Variants in TMEM127 observed in about 807,000 individuals in gnomAD.
TMEM127 encodes the protein transmembrane protein 127.
A neutral mutation model predicts 20.1 loss-of-function variants in TMEM127; 21 were observed. The ratio of observed to expected loss-of-function variants is 1.04; its 90% CI spans 0.74 to 1.50. TMEM127 has a LOEUF of 1.50. Ranked by LOEUF, TMEM127 falls within the 40% of genes most tolerant of loss-of-function variation. The probability of loss-of-function intolerance (pLI) is 0.00; values close to 1 mark genes in which losing one functional copy is unlikely to be tolerated. For synonymous variants in TMEM127, 150 were observed against 144.7 expected, an observed-to-expected ratio of 1.04 and a Z score of -0.26; for missense variants, 303 against 317.4, an observed-to-expected ratio of 0.95 and a Z score of 0.34.
Position 96,249,817 on chromosome 2 carries a change from T to G in TMEM127, c.*3991A>C, listed in dbSNP as rs996857635. On this transcript the variant is annotated 3_prime_UTR_variant, in exon 4 of 4. Transcript: ENST00000258439. ...CAGGCAAGATGCCAGCTGAAGATTC[T>G]CTAGTCATCTTGGGAAAGCCGCCCT... 5 of 233,176 alleles carry G rather than the reference T, an allele frequency of 2.1e-5. No individual in the cohort carries two copies. The highest frequency in any genetic ancestry group is 4.2e-5 in the Non-Finnish European group (5 of 118,064). The allele number at this position is 233,176 out of a possible 1,614,324, so 14.4% of individuals were successfully genotyped here. A position where few individuals can be genotyped will look rare whatever the true frequency, so the allele number is the denominator to read the frequency against.
chr2:96,249,075 CTGTGTGTGTGTGTGTGGTGTGTG>C lies in TMEM127; in HGVS notation c.*4710_*4732del, dbSNP rs994139160. On this transcript the variant is annotated 3_prime_UTR_variant, in exon 4 of 4. Transcript: ENST00000258439. ...TTCCCCAAAGCTTATGGTGAGGAAC[CTGTGTGTGTGTGTGTGGTGTGTG>C]TGTGTGTGTGTGTGTGTGTTTGAGA... 26 of 223,292 alleles carry C rather than the reference CTGTGTGTGTGTGTGTGGTGTGTG, an allele frequency of 1.2e-4. No individual in the cohort carries two copies. The highest frequency in any genetic ancestry group is 5.0e-4 in the African/African-American group (22 of 44,322). The allele number at this position is 223,292 out of a possible 1,614,324, so 13.8% of individuals were successfully genotyped here. A position where few individuals can be genotyped will look rare whatever the true frequency, so the allele number is the denominator to read the frequency against.
chr2:96,249,946 A>G lies in TMEM127; in HGVS notation c.*3862T>C. 1 of 232,644 alleles carries G rather than the reference A, an allele frequency of 4.3e-6. No individual in the cohort carries two copies. 14.4% of individuals were successfully genotyped at this position (232,644 alleles called of 1,614,324 possible). A position where few individuals can be genotyped will look rare whatever the true frequency, so the allele number is the denominator to read the frequency against. ...GGGCCCCTCTTCGCCTGTGCAGTTG[A>G]TGCCACCTTCCAGCTGCCACGTGAC... On this transcript the variant is annotated 3_prime_UTR_variant, in exon 4 of 4. Coordinates refer to ENST00000258439, the MANE Select transcript of TMEM127 (RefSeq NM_017849.4).
In TMEM127 at chr2:96,253,756, G is replaced by T; in HGVS notation, c.*52C>A. ...AAAGGAGCTCCTCTGGGTGCGAGAG[G>T]AGCTGCAGAGTTGAGGGAGGGGCTG... On this transcript the variant is annotated 3_prime_UTR_variant, in exon 4 of 4. Transcript: ENST00000258439. The surrounding 1 kb of genome is among the most constrained non-coding windows in gnomAD (Gnocchi z 4.3). 2 of 1,568,004 alleles carry T rather than the reference G, an allele frequency of 1.3e-6. No homozygotes were observed. Among genetic ancestry groups the T allele is most frequent in the Non-Finnish European group, 1.7e-6 (2 of 1,152,974 alleles).
At chr2:96,260,554 T>C (rs1359789683) in intron 2 of TMEM127, 2 of 152,126 alleles carry the variant, frequency 1.3e-5, no homozygotes, top group African/African-American at 2.4e-5. Flanking sequence ...TGCCCTCTAG[T>C]CATCAGGGAA....
intron 2 of TMEM127, among the ~76,000 whole-genome samples, chr2:96,263,644 G>A (rs1326700968): frequency 6.6e-6 from 1 of 152,160 alleles, no homozygotes; most frequent in Non-Finnish European, 1.5e-5. Flanking sequence ...AACTATAAAT[G>A]ACACGGCATC....
chr2:96,265,788 G>C, intron 1 of TMEM127, 81 bp downstream of exon 1: 1 of 200,136 alleles, frequency 5.0e-6, no homozygotes, highest in Non-Finnish European at 1.0e-5. Flanking sequence ...GGGGATCGGG[G>C]ACCCGTGATC....
chr2:96,249,845 C>T lies in TMEM127; in HGVS notation c.*3963G>A. Reference sequence around the variant, plus strand: ...AGTCATCTTGGGAAAGCCGCCCTGCCCCAGATGCACCACCTCTTCCTGTGT... The same window carrying T: ...AGTCATCTTGGGAAAGCCGCCCTGCTCCAGATGCACCACCTCTTCCTGTGT... On this transcript the variant is annotated 3_prime_UTR_variant, in exon 4 of 4. Coordinates refer to ENST00000258439, the MANE Select transcript of TMEM127 (RefSeq NM_017849.4). 1 of 233,322 alleles carries T rather than the reference C, an allele frequency of 4.3e-6. No homozygotes were observed. The highest frequency in any genetic ancestry group is 6.0e-5 in the East Asian group (1 of 16,568). 14.5% of individuals were successfully genotyped at this position (233,322 alleles called of 1,614,324 possible). A position where few individuals can be genotyped will look rare whatever the true frequency, so the allele number is the denominator to read the frequency against.
In TMEM127 at chr2:96,250,703, G is replaced by A. The variant is rs1005995212; in HGVS notation, c.*3105C>T. 7.3e-5 allele frequency: 17 copies of A among 232,964 alleles called. No individual in the cohort carries two copies. Among genetic ancestry groups the A allele is most frequent in the African/African-American group, 3.8e-4 (17 of 45,316 alleles). The allele number at this position is 232,964 out of a possible 1,614,324, so 14.4% of individuals were successfully genotyped here. Reference sequence around the variant, plus strand: ...CTGGGTGTAGGCTGTGTGATCAAATGTATGAAGGAAGAAGGAACGGAGAGA... The same window carrying A: ...CTGGGTGTAGGCTGTGTGATCAAATATATGAAGGAAGAAGGAACGGAGAGA... On this transcript the variant is annotated 3_prime_UTR_variant, in exon 4 of 4. Transcript: ENST00000258439.
intron 2 of TMEM127, among the ~76,000 whole-genome samples, chr2:96,255,601 A>G (rs931703076): frequency 6.6e-6 from 1 of 152,196 alleles, no homozygotes; most frequent in Non-Finnish European, 1.5e-5. Flanking sequence ...AGGTAGGGAG[A>G]GGGGAGAACA....
intron 2 of TMEM127, among the ~76,000 whole-genome samples, chr2:96,258,790 C>T (rs532862390): frequency 1.3e-5 from 2 of 152,254 alleles, no homozygotes; most frequent in South Asian, 2.1e-4. Flanking sequence ...TTGGGGTCCA[C>T]GTGGCATGTG....
Position 96,262,581 on chromosome 2 carries a change from C to T in TMEM127, c.244+2557G>A, listed in dbSNP as rs571183351. On this transcript the variant is annotated intron_variant, in intron 2 of 3. Transcript: ENST00000258439. ...CTCTTAGGAGATGGCCACAGGCAAG[C>T]AAGTAGAAACTATACACAGGTTAAG... is the stretch of plus-strand genomic sequence containing the variant. Among the ~76,000 whole-genome samples, 9 of 152,300 alleles carry T rather than the reference C, an allele frequency of 5.9e-5. No individual in the cohort carries two copies. In the South Asian group the frequency reaches 1.9e-3, roughly 32 times the overall value.
intron 2 of TMEM127, among the ~76,000 whole-genome samples, chr2:96,263,988 C>A (rs1345987181): frequency 2.0e-5 from 3 of 152,094 alleles, no homozygotes; most frequent in Non-Finnish European, 4.4e-5. Flanking sequence ...AATGAGCCAA[C>A]CCAGCAAAGA....
Position 96,250,722 on chromosome 2 carries a change from G to A in TMEM127, c.*3086C>T, listed in dbSNP as rs1177316218. Reference sequence around the variant, plus strand: ...TCAAATGTATGAAGGAAGAAGGAACGGAGAGAACGTGGGCAATCAAGGCCT... The same window carrying A: ...TCAAATGTATGAAGGAAGAAGGAACAGAGAGAACGTGGGCAATCAAGGCCT... On this transcript the variant is annotated 3_prime_UTR_variant, in exon 4 of 4. Transcript: ENST00000258439. 2.6e-5 allele frequency: 6 copies of A among 232,912 alleles called. No homozygotes were observed. Among genetic ancestry groups the A allele is most frequent in the Non-Finnish European group, 5.1e-5 (6 of 117,930 alleles). 14.4% of individuals were successfully genotyped at this position (232,912 alleles called of 1,614,324 possible). A position where few individuals can be genotyped will look rare whatever the true frequency, so the allele number is the denominator to read the frequency against.
Position 96,250,850 on chromosome 2 carries a change from A to C in TMEM127, c.*2958T>G, listed in dbSNP as rs1684072866. ...TTACCTATGGTTTCAAAGAAAGTGC[A>C]GTTTCTAGGGAGTGAAGGAACACGT... On this transcript the variant is annotated 3_prime_UTR_variant, in exon 4 of 4. Transcript: ENST00000258439. 1 of 231,748 alleles carries C rather than the reference A, an allele frequency of 4.3e-6. No homozygotes were observed. Among genetic ancestry groups the C allele is most frequent in the Non-Finnish European group, 8.5e-6 (1 of 117,150 alleles). The allele number at this position is 231,748 out of a possible 1,614,324, so 14.4% of individuals were successfully genotyped here. A position where few individuals can be genotyped will look rare whatever the true frequency, so the allele number is the denominator to read the frequency against.
intron 2 of TMEM127, among the ~76,000 whole-genome samples, chr2:96,256,515 G>A (rs1209080294): frequency 1.3e-5 from 2 of 148,262 alleles, no homozygotes; most frequent in Non-Finnish European, 3.0e-5. Flanking sequence ...AGGTTGCGGT[G>A]AGCCGAGATT....
rs184565989 is a variant in TMEM127, at chr2:96,253,514, C to T, written c.*294G>A. On this transcript the variant is annotated 3_prime_UTR_variant, in exon 4 of 4. Coordinates refer to ENST00000258439, the MANE Select transcript of TMEM127 (RefSeq NM_017849.4). The surrounding 1 kb of genome is among the most constrained non-coding windows in gnomAD (Gnocchi z 4.3). Reference sequence around the variant, plus strand: ...GAAAGTCTCGGTCCCAAAGATATCGCCCATGCTGGAGGAAACTTGGATGAC... The same window carrying T: ...GAAAGTCTCGGTCCCAAAGATATCGTCCATGCTGGAGGAAACTTGGATGAC... 3.0e-4 allele frequency: 138 copies of T among 462,376 alleles called. No individual in the cohort carries two copies. In the East Asian group the frequency reaches 4.8e-3, roughly 16 times the overall value. 28.6% of individuals were successfully genotyped at this position (462,376 alleles called of 1,614,324 possible). A position where few individuals can be genotyped will look rare whatever the true frequency, so the allele number is the denominator to read the frequency against.
At chr2:96,259,344 A>G (rs926688826) in intron 2 of TMEM127, among the ~76,000 whole-genome samples, 8 of 152,202 alleles carry the variant, frequency 5.3e-5, no homozygotes, top group Non-Finnish European at 2.9e-5. Context: ...GCTCCCCTAC[A>G]CTGTGCTGCT....
Position 96,255,414 on chromosome 2 carries a change from G to A in TMEM127, c.245-417C>T, listed in dbSNP as rs554957326. Among the ~76,000 whole-genome samples, 3 of 152,344 alleles carry A rather than the reference G, an allele frequency of 2.0e-5. No homozygotes were observed. The South Asian group carries it at 6.2e-4, about 32-fold the overall frequency. ...AAGACCATACAGGTCAATTAATGCT[G>A]ATTCTCCATTTACTCACTCATTCAT... On this transcript the variant is annotated intron_variant, in intron 2 of 3. Coordinates refer to ENST00000258439, the MANE Select transcript of TMEM127 (RefSeq NM_017849.4).
chr2:96,258,357 C>T (rs1270598354), intron 2 of TMEM127, among the ~76,000 whole-genome samples: 1 of 152,224 alleles, frequency 6.6e-6, no homozygotes, highest in Non-Finnish European at 1.5e-5. Flanking sequence ...GCAAAGCTGA[C>T]TCAGCCCAAC....
Sources: allele counts gnomAD v4.1 joint callset (sites outside exome capture counted in the v4.1 genomes callset), GRCh38; gene constraint gnomAD v4.1.1; non-coding constraint Gnocchi (gnomAD v3.1); transcripts MANE v1.5; gene names NCBI Gene and HGNC (gene_info 2026-07-23, HGNC 2026-07-21).